The following RIOK2 variants were observed in gnomAD, a reference collection of about 807,000 sequenced individuals.
The protein encoded by RIOK2 is RIO kinase 2.
A neutral mutation model predicts 62.4 loss-of-function variants in RIOK2; 46 were observed. The ratio of observed to expected loss-of-function variants is 0.74; its 90% confidence interval spans 0.58 to 0.94. The LOEUF is 0.94. Ranked by LOEUF, RIOK2 falls within the 40% of genes least tolerant of loss-of-function variation. The pLI, the probability that RIOK2 is intolerant of heterozygous loss-of-function variation, is 0.00. For synonymous variants in RIOK2, 197 were observed against 216.0 expected, an observed-to-expected ratio of 0.91 and a Z score of 0.77; for missense variants, 574 against 658.0, an observed-to-expected ratio of 0.87 and a Z score of 1.40.
rs1329435282 is a variant in RIOK2 at position 97,171,410 on chromosome 5, T to A, written c.588-13A>T. On this transcript the variant is annotated splice_polypyrimidine_tract_variant and intron_variant, in intron 5 of 9. Coordinates refer to ENST00000283109, the MANE Select transcript of RIOK2 (RefSeq NM_018343.3). The stretch of plus-strand genomic sequence containing the variant: ...GTGTATCTGACATCTGAAAGTATTT[T>A]AAGCATGAAAATAGGTTACTTGTGT... The A allele has an allele frequency of 6.7e-7, 1 of 1,496,550 alleles. No individual in the cohort carries two copies. The highest frequency in any genetic ancestry group is 2.4e-5 in the East Asian group (1 of 41,956). 92.7% of individuals were successfully genotyped at this position (1,496,550 alleles called of 1,614,324 possible). A position where few individuals can be genotyped will look rare whatever the true frequency, so the allele number is the denominator to read the frequency against.
At position 97,167,699 on chromosome 5, in the gene RIOK2, G is replaced by C; in HGVS notation, c.1165C>G (p.Arg389Gly). The part of the protein sequence containing the change: ...DSLSEESADA[R>G]SFEMTEFNQA... ...TTGAATTCAGTCATTTCAAAACTCC[G>C]TGCATCAGCACTCTCTTCTGATAAA... is the stretch of plus-strand genomic sequence containing the variant. Residue 389 changes from arginine (R) to glycine (G), a missense_variant, in exon 8 of 10, where the codon CGG becomes GGG. Transcript: ENST00000283109. The C allele has an allele frequency of 6.2e-7, 1 of 1,614,130 alleles. No individual in the cohort carries two copies. Among genetic ancestry groups the C allele is most frequent in the Non-Finnish European group, 8.5e-7 (1 of 1,180,020 alleles).
intron 8 of RIOK2, 127 bp downstream of exon 8, chr5:97,167,340 A>AT: frequency 6.8e-7 from 1 of 1,475,582 alleles, no homozygotes; most frequent in East Asian, 2.4e-5. Context: ...TTTGGCTTTC[A>AT]TTTTATACAT....
Position 97,171,399 on chromosome 5 carries a change from T to C in RIOK2, c.588-2A>G. ...TCTTCAACATGGTGTATCTGACATC[T>C]GAAAGTATTTTAAGCATGAAAATAG... On this transcript the variant is annotated splice_acceptor_variant, in intron 5 of 9. Coordinates refer to ENST00000283109, the MANE Select transcript of RIOK2 (RefSeq NM_018343.3). LOFTEE classifies it high-confidence loss of function. 6.6e-7 allele frequency: 1 copy of C among 1,516,398 alleles called. No individual in the cohort carries two copies. Among genetic ancestry groups the C allele is most frequent in the Non-Finnish European group, 8.9e-7 (1 of 1,129,534 alleles). 93.9% of individuals were successfully genotyped at this position (1,516,398 alleles called of 1,614,324 possible). A position where few individuals can be genotyped will look rare whatever the true frequency, so the allele number is the denominator to read the frequency against.
intron 2 of RIOK2, chr5:97,178,766 C>T (rs1749251744): frequency 7.4e-6 from 3 of 405,220 alleles, no homozygotes; most frequent in Non-Finnish European, 1.4e-5. Context: ...ACATGCTCTT[C>T]TGCAGTACTC....
chr5:97,172,115 T>C (rs1360346289), intron 5 of RIOK2, among the ~76,000 whole-genome samples: 1 of 152,190 alleles, frequency 6.6e-6, no homozygotes, highest in Non-Finnish European at 1.5e-5. Flanking sequence ...AATTCTGGAG[T>C]TCCTCAAAGG....
chr5:97,173,953 G>T (rs1749089468), intron 4 of RIOK2, among the ~76,000 whole-genome samples: 1 of 152,064 alleles, frequency 6.6e-6, no homozygotes, highest in South Asian at 2.1e-4. Context: ...TTGACATTTA[G>T]AATGCTAGTA....
At chr5:97,180,156 A>ATATGTATATATATATG in intron 1 of RIOK2, among the ~76,000 whole-genome samples, 1 of 132,318 alleles carries the variant, frequency 7.6e-6, no homozygotes, top group Non-Finnish European at 1.6e-5. Flanking sequence ...ATATATATAT[A>ATATGTATATATATATG]TATATGTGCT....
chr5:97,168,635 T>C, intron 7 of RIOK2, 125 bp downstream of exon 7: 1 of 526,466 alleles, frequency 1.9e-6, no homozygotes, highest in Non-Finnish European at 3.4e-6. Flanking sequence ...TACAGAGCAA[T>C]GACATCTAAC....
intron 8 of RIOK2, chr5:97,166,941 G>GT: frequency 1.1e-6 from 1 of 926,398 alleles, no homozygotes; most frequent in South Asian, 4.9e-5. Flanking sequence ...TTGAGACGGA[G>GT]TTTTTTGCTC....
At position 97,180,027 on chromosome 5, in the gene RIOK2, A is replaced by AAT. The variant is rs1301977696; in HGVS notation, c.67-836_67-835dup. On this transcript the variant is annotated intron_variant, in intron 1 of 9. Transcript: ENST00000283109. ...TATTATATATATATAATATATATAT[A>AAT]ATATATATATTATATATATATTTTT... Among the ~76,000 whole-genome samples, 171 of 63,456 alleles carry AAT rather than the reference A, an allele frequency of 2.7e-3. 6 individuals are homozygous for AAT. Among genetic ancestry groups the AAT allele is most frequent in the African/African-American group, 9.3e-3 (158 of 17,056 alleles). 41.6% of individuals were successfully genotyped at this position (63,456 alleles called of 152,430 possible).
At position 97,165,083 on chromosome 5, in the gene RIOK2, C is replaced by T; in HGVS notation, c.1462G>A (p.Gly488Ser). 1.3e-6 allele frequency: 2 copies of T among 1,589,940 alleles called. No homozygotes were observed. Among genetic ancestry groups the T allele is most frequent in the Non-Finnish European group, 1.7e-6 (2 of 1,168,416 alleles). Residue 488 changes from glycine to serine, a missense_variant, in exon 9 of 10, where the codon GGC becomes AGC. Coordinates refer to ENST00000283109, the MANE Select transcript of RIOK2 (RefSeq NM_018343.3). ...ATTGTTGAACAGCTTACAGCACTGCCTGAAGAAGTGATACTCAGAGTTCTT... is the reference window on the plus strand; with the variant it reads ...ATTGTTGAACAGCTTACAGCACTGCTTGAAGAAGTGATACTCAGAGTTCTT... ...RTRTLSITSS[G>S]SAVSCSTIPP...
At chr5:97,178,823 A>G (rs955906170) in intron 2 of RIOK2, 3 of 551,244 alleles carry the variant, frequency 5.4e-6, no homozygotes, top group South Asian at 2.0e-5. Flanking sequence ...CAGTACCTAC[A>G]TGCTCTTCTG....
intron 5 of RIOK2, among the ~76,000 whole-genome samples, 177 bp from the exon 6 acceptor site, chr5:97,171,574 C>A (rs1168120546): frequency 6.6e-6 from 1 of 152,176 alleles, no homozygotes; most frequent in East Asian, 1.9e-4. Context: ...AATAGCCACA[C>A]TGCTTCAATT....
At chr5:97,167,224 CAGTTTGTATTTTA>C (rs1237318849) in intron 8 of RIOK2, 28 of 1,385,862 alleles carry the variant, frequency 2.0e-5, no homozygotes, top group Non-Finnish European at 2.5e-5. Flanking sequence ...GCCCAGCCAT[CAGTTTGTATTTTA>C]AGGCAGAATT....
At chr5:97,172,914 T>C (rs1749056987) in intron 5 of RIOK2, among the ~76,000 whole-genome samples, 1 of 152,206 alleles carries the variant, frequency 6.6e-6, no homozygotes, top group South Asian at 2.1e-4. Flanking sequence ...GCAGGGACTT[T>C]GTTTTGTTCA....
Position 97,177,281 on chromosome 5 carries a change from A to T in RIOK2, c.333T>A (p.Ile111=). 1 of 1,611,094 alleles carries T rather than the reference A, an allele frequency of 6.2e-7. No homozygotes were observed. The highest frequency in any genetic ancestry group is 8.5e-7 in the Non-Finnish European group (1 of 1,178,964). The change falls in exon 4 of 10, where the codon ATT becomes ATA. Residue 111 remains isoleucine, a synonymous_variant. Coordinates refer to ENST00000283109, the MANE Select transcript of RIOK2 (RefSeq NM_018343.3). ...MGVGKESDIY[I]VANEEGQQFA... Reference sequence around the variant, plus strand: ...ATTGTTGTCCTTCTTCATTTGCAACAATGTAAATATCTAGAGACAAAATTT... The same window carrying T: ...ATTGTTGTCCTTCTTCATTTGCAACTATGTAAATATCTAGAGACAAAATTT...
intron 1 of RIOK2, among the ~76,000 whole-genome samples, chr5:97,182,215 C>G (rs1280819467): frequency 6.6e-6 from 1 of 152,202 alleles, no homozygotes; most frequent in African/African-American, 2.4e-5. Flanking sequence ...TGATTAAAAA[C>G]ATTTAGTGGT....
At chr5:97,169,427 T>C (rs1748935281) in intron 6 of RIOK2, among the ~76,000 whole-genome samples, 1 of 152,234 alleles carries the variant, frequency 6.6e-6, no homozygotes, top group Admixed American at 6.5e-5. Context: ...GACATGTTAA[T>C]CTGGACCAAA....
At chr5:97,170,489 G>T (rs1748971549) in intron 6 of RIOK2, among the ~76,000 whole-genome samples, 1 of 152,180 alleles carries the variant, frequency 6.6e-6, no homozygotes, top group Admixed American at 6.5e-5. Flanking sequence ...TATACTTGGT[G>T]AATCTCTCTT....
Sources: gnomAD v4.1 joint callset for allele counts (sites outside exome capture counted in the v4.1 genomes callset) on GRCh38, gnomAD v4.1.1 for gene constraint, MANE v1.5 for transcripts, NCBI Gene and HGNC (gene_info 2026-07-23, HGNC 2026-07-21) for gene names.